Variants in CABCOCO1 observed in about 807,000 individuals in gnomAD.
CABCOCO1 encodes the protein ciliary associated calcium binding coiled-coil 1, also known as ciliary-associated calcium-binding coiled-coil protein 1.
CABCOCO1 carries 28 observed loss-of-function variants against 35.7 expected under a neutral mutation model. The observed-to-expected ratio is 0.78, with a 90% CI of 0.58 to 1.07. The LOEUF (loss-of-function observed/expected upper bound fraction) is 1.07, where lower values mean the gene tolerates loss of function less well. Ranked by LOEUF, CABCOCO1 falls within the 50% of genes least tolerant of loss-of-function variation. CABCOCO1 has a pLI of 0.00. For synonymous variants in CABCOCO1, 95 were observed against 100.1 expected (o/e 0.95, Z 0.30); for missense variants, 326 against 309.2 (o/e 1.05, Z -0.41).
At chr10:61,717,620 T>C (rs1451208769) in intron 5 of CABCOCO1, among the ~76,000 whole-genome samples, 1 of 152,154 alleles carries the variant, frequency 6.6e-6, no homozygotes, top group Non-Finnish European at 1.5e-5. Flanking sequence ...GAGGGTAATA[T>C]GGTACCAGAC....
At chr10:61,721,170 C>T (rs577315374) in intron 5 of CABCOCO1, among the ~76,000 whole-genome samples, 1 of 151,708 alleles carries the variant, frequency 6.6e-6, no homozygotes, top group South Asian at 2.1e-4. Flanking sequence ...ATGATCCACC[C>T]GTCTCAGCCT....
At chr10:61,708,727 A>C (rs1445812273) in intron 5 of CABCOCO1, among the ~76,000 whole-genome samples, 1 of 152,124 alleles carries the variant, frequency 6.6e-6, no homozygotes, top group African/African-American at 2.4e-5. Flanking sequence ...ACTAAGTTTC[A>C]ACATATCAAT....
At chr10:61,738,326 A>G (rs1211690984) in intron 5 of CABCOCO1, among the ~76,000 whole-genome samples, 1 of 152,164 alleles carries the variant, frequency 6.6e-6, no homozygotes, top group African/African-American at 2.4e-5. Flanking sequence ...ATTTTGTGAA[A>G]AGCAGAGCCA....
intron 3 of CABCOCO1, among the ~76,000 whole-genome samples, chr10:61,683,541 A>G (rs1003990792): frequency 6.6e-6 from 1 of 152,198 alleles, no homozygotes; most frequent in Admixed American, 6.5e-5. Context: ...AGCCTGGGCA[A>G]CACAGCAAGA....
chr10:61,695,781 C>T (rs754139851), intron 5 of CABCOCO1, among the ~76,000 whole-genome samples: 27 of 151,834 alleles, frequency 1.8e-4, no homozygotes, highest in Non-Finnish European at 3.7e-4. Flanking sequence ...GAAAAAAACC[C>T]TTTCTGTGAT....
chr10:61,766,175 A>T lies in CABCOCO1; in HGVS notation c.*162A>T, dbSNP rs1842105749. The T allele has an allele frequency of 1.7e-6, 1 of 603,180 alleles. No individual in the cohort carries two copies. Among genetic ancestry groups the T allele is most frequent in the South Asian group, 2.5e-5 (1 of 39,712 alleles). The allele number at this position is 603,180 out of a possible 1,614,324, so 37.4% of individuals were successfully genotyped here. A position where few individuals can be genotyped will look rare whatever the true frequency, so the allele number is the denominator to read the frequency against. On this transcript the variant is annotated 3_prime_UTR_variant, in exon 8 of 8. Coordinates refer to ENST00000648843, the MANE Select transcript of CABCOCO1 (RefSeq NM_001366906.2). ...AGTAATTAGAAAAGTATTGGTCCCA[A>T]TTTTGCTATCTCCCATCCCATAACA...
intron 2 of CABCOCO1, among the ~76,000 whole-genome samples, chr10:61,677,975 G>A (rs1839575762): frequency 6.6e-6 from 1 of 151,518 alleles, no homozygotes; most frequent in Non-Finnish European, 1.5e-5. Flanking sequence ...AAGAAACTTT[G>A]GGCTATCCAA....
intron 5 of CABCOCO1, among the ~76,000 whole-genome samples, chr10:61,716,303 G>T (rs1840864735): frequency 1.3e-5 from 2 of 152,170 alleles, no homozygotes; most frequent in Non-Finnish European, 2.9e-5. Flanking sequence ...GGAGGAAGCA[G>T]AAGCTGCCAG....
chr10:61,710,596 T>C (rs942899904), intron 5 of CABCOCO1, among the ~76,000 whole-genome samples: 1 of 151,974 alleles, frequency 6.6e-6, no homozygotes, highest in Non-Finnish European at 1.5e-5. Context: ...TGATGGACTA[T>C]CTTGTAAAAA....
chr10:61,720,863 G>C (rs1025945623), intron 5 of CABCOCO1, among the ~76,000 whole-genome samples: 1 of 134,178 alleles, frequency 7.5e-6, no homozygotes, highest in Admixed American at 7.4e-5. Context: ...TAATATTTTT[G>C]TTAGATTGTA....
chr10:61,703,185 G>C (rs1359174058), intron 5 of CABCOCO1, among the ~76,000 whole-genome samples: 1 of 150,548 alleles, frequency 6.6e-6, no homozygotes, highest in Admixed American at 6.7e-5. Context: ...TTGCATGCCT[G>C]GTACATACAG....
chr10:61,764,243 C>T (rs767946433), intron 7 of CABCOCO1, among the ~76,000 whole-genome samples: 3 of 151,992 alleles, frequency 2.0e-5, no homozygotes, highest in African/African-American at 4.8e-5. Context: ...GTTTGAGTGG[C>T]GCAATTCTTC....
chr10:61,680,713 A>ATTTTACAATTGTTAAATAAATATT lies in CABCOCO1; in HGVS notation c.165-429_165-428insTTTACAATTGTTAAATAAATATTT, dbSNP rs1839758389. 5.2e-5 allele frequency among the ~76,000 whole-genome samples: 5 copies of ATTTTACAATTGTTAAATAAATATT among 95,990 alleles called. 1 individual carries two copies. In the Admixed American group the frequency reaches 6.1e-4, roughly 12 times the overall value. The allele number at this position is 95,990 out of a possible 152,430, so 63.0% of individuals were successfully genotyped here. A position where few individuals can be genotyped will look rare whatever the true frequency, so the allele number is the denominator to read the frequency against. On this transcript the variant is annotated intron_variant, in intron 2 of 7. Coordinates refer to ENST00000648843, the MANE Select transcript of CABCOCO1 (RefSeq NM_001366906.2). Reference sequence around the variant, plus strand: ...TATAACATATATATGTTATACATGTATAACATATATATTATATATATAATA... The same window carrying ATTTTACAATTGTTAAATAAATATT: ...TATAACATATATATGTTATACATGTATTTTACAATTGTTAAATAAATATTTAACATATATATTATATATATAATA...
chr10:61,665,879 T>A (rs1325590038), intron 1 of CABCOCO1, among the ~76,000 whole-genome samples: 1 of 116,164 alleles, frequency 8.6e-6, no homozygotes, highest in Non-Finnish European at 2.0e-5. Flanking sequence ...AGAGCGAGAC[T>A]CCGTCTCAAA....
intron 5 of CABCOCO1, among the ~76,000 whole-genome samples, chr10:61,702,593 T>A (rs1332318871): frequency 6.6e-6 from 1 of 152,198 alleles, no homozygotes; most frequent in South Asian, 2.1e-4. Flanking sequence ...TAGGGTTATA[T>A]ATTTTTATTG....
chr10:61,722,592 G>A (rs891484327), intron 5 of CABCOCO1, among the ~76,000 whole-genome samples: 7 of 151,636 alleles, frequency 4.6e-5, no homozygotes, highest in East Asian at 1.9e-4. Flanking sequence ...AGTCATTAAC[G>A]ATCACAGTAG....
intron 5 of CABCOCO1, among the ~76,000 whole-genome samples, chr10:61,745,839 C>A (rs746559657): frequency 6.6e-6 from 1 of 152,160 alleles, no homozygotes; most frequent in Non-Finnish European, 1.5e-5. Flanking sequence ...CCACAGTGTT[C>A]TTTAAAAAGG....
chr10:61,723,600 G>C (rs1249494883), intron 5 of CABCOCO1, among the ~76,000 whole-genome samples: 1 of 152,104 alleles, frequency 6.6e-6, no homozygotes, highest in Non-Finnish European at 1.5e-5. Flanking sequence ...CAAGACCAGG[G>C]GCCAGCATGC....
At chr10:61,690,078 A>T (rs1840089907) in intron 4 of CABCOCO1, among the ~76,000 whole-genome samples, 2 of 152,160 alleles carry the variant, frequency 1.3e-5, no homozygotes, top group Admixed American at 1.3e-4. Flanking sequence ...TTATAGATTA[A>T]TTTAATCTTG....
Sources: gnomAD v4.1 joint callset for allele counts (sites outside exome capture counted in the v4.1 genomes callset) on GRCh38, gnomAD v4.1.1 for gene constraint, MANE v1.5 for transcripts, NCBI Gene and HGNC (gene_info 2026-07-23, HGNC 2026-07-21) for gene names.